UBR3: variants seen among roughly 807,000 people sequenced by gnomAD.
UBR3 encodes ubiquitin protein ligase E3 component n-recognin 3.
Under a neutral mutation model 243.2 loss-of-function variants are expected in UBR3, and 85 were observed. The observed-to-expected ratio is 0.35, with a 90% CI of 0.29 to 0.42. The LOEUF (loss-of-function observed/expected upper bound fraction) is 0.42, where lower values mean the gene tolerates loss of function less well. UBR3 is among the 10% of genes least tolerant of loss of function. UBR3 has a pLI of 1.00. For synonymous variants in UBR3, 748 were observed against 799.8 expected, an observed-to-expected ratio of 0.94 and a Z score of 1.09; for missense variants, 1,686 against 2,300.8, an observed-to-expected ratio of 0.73 and a Z score of 5.47.
intron 1 of UBR3, among the ~76,000 whole-genome samples, chr2:169,843,090 A>T (rs1256908894): frequency 6.6e-6 from 1 of 152,180 alleles, no homozygotes; most frequent in Non-Finnish European, 1.5e-5. Flanking sequence ...AAACTACTCC[A>T]GCCTCTACCT....
At chr2:169,993,052 C>T (rs2089340246) in intron 25 of UBR3, among the ~76,000 whole-genome samples, 1 of 152,194 alleles carries the variant, frequency 6.6e-6, no homozygotes, top group South Asian at 2.1e-4. Flanking sequence ...TGAGCTACCA[C>T]ACCCAGCCCA....
intron 36 of UBR3, among the ~76,000 whole-genome samples, 198 bp from the exon 37 acceptor site, chr2:170,079,616 A>G (rs541404706): frequency 2.6e-5 from 4 of 152,336 alleles, no homozygotes; most frequent in African/African-American, 9.6e-5. Context: ...ATTGGAAACT[A>G]TAATACATTA....
intron 24 of UBR3, among the ~76,000 whole-genome samples, chr2:169,962,439 A>G (rs1169194565): frequency 6.6e-6 from 1 of 152,112 alleles, no homozygotes; most frequent in African/African-American, 2.4e-5. Flanking sequence ...AGACAGAACC[A>G]TACCACTAAG....
intron 1 of UBR3, among the ~76,000 whole-genome samples, chr2:169,845,723 C>T (rs12052418): frequency 0.18 from 27,368 of 151,250 alleles, 2,718 homozygotes; most frequent in East Asian, 0.37. Flanking sequence ...GTGGCTGGGA[C>T]TACAGGCACA....
rs1391969383 is a variant in UBR3 at position 169,947,544 on chromosome 2, A to T, written c.2913A>T (p.Ala971=). Residue 971 remains alanine, a splice_region_variant and synonymous_variant, in exon 22 of 39, where the codon GCA becomes GCT. Transcript: ENST00000272793. ...NSAEEESDEE[A]SVGGPERCHD... is the part of the protein sequence containing the mutation. ...ATTCATTTTTTTTTTTATTTTAGGCATCAGTGGGTGGACCAGAACGTTGTC... is the reference window on the plus strand; with the variant it reads ...ATTCATTTTTTTTTTTATTTTAGGCTTCAGTGGGTGGACCAGAACGTTGTC... 6.8e-7 allele frequency: 1 copy of T among 1,464,554 alleles called. No individual in the cohort carries two copies. The highest frequency in any genetic ancestry group is 9.0e-7 in the Non-Finnish European group (1 of 1,106,058). The allele number at this position is 1,464,554 out of a possible 1,614,324, so 90.7% of individuals were successfully genotyped here.
At chr2:170,080,716 T>C (rs777519373) in intron 38 of UBR3, 32 bp downstream of exon 38, 19 of 1,597,088 alleles carry the variant, frequency 1.2e-5, no homozygotes, top group Non-Finnish European at 1.5e-5. Flanking sequence ...CCAGGTGTTT[T>C]ATTGAAATTT....
At chr2:169,994,297 T>C in intron 25 of UBR3, 26 bp from the exon 26 acceptor site, 1 of 1,612,650 alleles carries the variant, frequency 6.2e-7, no homozygotes, top group Non-Finnish European at 8.5e-7. Flanking sequence ...TATTTTTGAT[T>C]AATGAGCTTT....
intron 21 of UBR3, among the ~76,000 whole-genome samples, chr2:169,946,755 A>G (rs879706006): frequency 6.6e-6 from 1 of 152,142 alleles, no homozygotes; most frequent in Non-Finnish European, 1.5e-5. Context: ...TTGGCAAACA[A>G]TTACCAGTAA....
rs185025209 is a variant in UBR3, at chr2:170,019,350, T to A, written c.4453+3984T>A. On this transcript the variant is annotated intron_variant, in intron 30 of 38. Coordinates refer to ENST00000272793, the MANE Select transcript of UBR3 (RefSeq NM_172070.4). ...GATCTGTGCAGGCAACTTAAAATAG[T>A]TCTACTTGCTCAAAGAGTGAATTTT... Among the ~76,000 whole-genome samples the A allele has an allele frequency of 1.6e-3, 237 of 152,308 alleles. 1 individual carries two copies. The highest frequency in any genetic ancestry group is 9.1e-4 in the Non-Finnish European group (62 of 68,030).
chr2:169,986,097 T>C (rs1267037420), intron 24 of UBR3, among the ~76,000 whole-genome samples: 5 of 152,200 alleles, frequency 3.3e-5, no homozygotes, highest in Non-Finnish European at 7.4e-5. Context: ...TTTATTCATA[T>C]ATAATATGGT....
At chr2:169,935,597 T>C (rs569497937) in intron 19 of UBR3, among the ~76,000 whole-genome samples, 7 of 152,252 alleles carry the variant, frequency 4.6e-5, no homozygotes, top group Non-Finnish European at 7.3e-5. Context: ...TGTAATTTCT[T>C]ATATTTCTGT....
chr2:169,990,743 A>ACACACACATG (rs1283427385), intron 25 of UBR3, among the ~76,000 whole-genome samples: 2 of 148,568 alleles, frequency 1.3e-5, no homozygotes, highest in East Asian at 3.9e-4. Context: ...ACACACACAC[A>ACACACACATG]CACACATAAA....
intron 1 of UBR3, among the ~76,000 whole-genome samples, chr2:169,866,639 A>AC (rs1367149070): frequency 2.2e-4 from 33 of 152,210 alleles, no homozygotes; most frequent in Admixed American, 1.0e-3. Flanking sequence ...CTGGGATTAC[A>AC]GGTGTGAGCA....
At chr2:170,060,628 G>A (rs766723500) in intron 33 of UBR3, among the ~76,000 whole-genome samples, 2 of 151,746 alleles carry the variant, frequency 1.3e-5, no homozygotes, top group Admixed American at 6.6e-5. Flanking sequence ...TGCCACATTC[G>A]CTGCTTAGAA....
chr2:169,915,713 G>C (rs1046300975), intron 11 of UBR3, among the ~76,000 whole-genome samples: 4 of 152,002 alleles, frequency 2.6e-5, no homozygotes, highest in African/African-American at 9.7e-5. Context: ...ACTTGATTAG[G>C]GTGGTACCTG....
chr2:170,039,052 G>T (rs544697713), intron 31 of UBR3, among the ~76,000 whole-genome samples: 2 of 152,262 alleles, frequency 1.3e-5, no homozygotes, highest in African/African-American at 2.4e-5. Context: ...TGAAATCATG[G>T]ATTAGAAGGT....
chr2:169,898,440 C>T (rs998895155), intron 8 of UBR3, among the ~76,000 whole-genome samples: 2 of 152,128 alleles, frequency 1.3e-5, no homozygotes, highest in Non-Finnish European at 2.9e-5. Context: ...TATCACTTAA[C>T]CATCAATAAT....
chr2:169,982,922 C>T (rs1002398214), intron 24 of UBR3, among the ~76,000 whole-genome samples: 1 of 152,162 alleles, frequency 6.6e-6, no homozygotes, highest in Non-Finnish European at 1.5e-5. Context: ...TCTCATCACC[C>T]ACAGACCCAT....
chr2:169,970,437 T>C (rs1439875925), intron 24 of UBR3, among the ~76,000 whole-genome samples: 1 of 131,100 alleles, frequency 7.6e-6, no homozygotes, highest in African/African-American at 2.9e-5. Context: ...ACTCGTCATC[T>C]AGCATTAGGT....
Sources: gnomAD v4.1 joint callset for allele counts (sites outside exome capture counted in the v4.1 genomes callset) on GRCh38, gnomAD v4.1.1 for gene constraint, MANE v1.5 for transcripts, NCBI Gene and HGNC (gene_info 2026-07-23, HGNC 2026-07-21) for gene names.